Variants in UNC13C observed in about 807,000 individuals in gnomAD.
UNC13C encodes unc-13 homolog C, also known as protein unc-13 homolog C.
A neutral mutation model predicts 245.4 loss-of-function variants in UNC13C; 174 were observed. That is an observed-to-expected ratio of 0.71 (90% CI 0.63 to 0.80). The LOEUF is 0.80. UNC13C is among the 30% of genes least tolerant of loss of function. UNC13C has a pLI of 0.00. For synonymous variants in UNC13C, 992 were observed against 895.1 expected, an observed-to-expected ratio of 1.11 and a Z score of -1.93; for missense variants, 2,829 against 2,602.9, an observed-to-expected ratio of 1.09 and a Z score of -1.89.
intron 4 of UNC13C, 59 bp downstream of exon 4, chr15:54,143,743 C>G: frequency 3.0e-6 from 4 of 1,338,182 alleles, no homozygotes; most frequent in Non-Finnish European, 4.3e-6. Context: ...TGGCTGTGTT[C>G]TCAACATATA....
chr15:54,463,282 G>GGGGGGGGGCGGGGC (rs1891977401), intron 19 of UNC13C, among the ~76,000 whole-genome samples: 1 of 61,512 alleles, frequency 1.6e-5, no homozygotes, highest in Non-Finnish European at 3.4e-5. Context: ...GGGGGGGGGG[G>GGGGGGGGGCGGGGC]CCGGTCAGGT....
chr15:54,289,771 C>T (rs2037247693), intron 10 of UNC13C, among the ~76,000 whole-genome samples: 1 of 151,912 alleles, frequency 6.6e-6, no homozygotes, highest in Admixed American at 6.6e-5. Context: ...CTGTGAAACC[C>T]TGTATCACAG....
At chr15:53,855,967 A>G in the UNC13C span, among the ~76,000 whole-genome samples, 17 of 151,990 alleles carry the variant, frequency 1.1e-4, no homozygotes, top group Non-Finnish European at 2.5e-4. Flanking sequence ...TCAATTTCAG[A>G]ACTTGTTATT....
chr15:54,037,834 C>A (rs1245389502), intron 2 of UNC13C, among the ~76,000 whole-genome samples: 1 of 151,250 alleles, frequency 6.6e-6, no homozygotes, highest in Admixed American at 6.6e-5. Flanking sequence ...TCTTTGTGTA[C>A]TATTAATGTA....
At chr15:54,417,073 A>G (rs1419399865) in intron 19 of UNC13C, 1 of 414,886 alleles carries the variant, frequency 2.4e-6, no homozygotes, top group Non-Finnish European at 4.8e-6. Context: ...CTGCGTAACA[A>G]CTGATTTTAT....
intron 17 of UNC13C, among the ~76,000 whole-genome samples, chr15:54,372,735 G>T (rs1294889243): frequency 6.6e-6 from 1 of 152,146 alleles, no homozygotes; most frequent in Non-Finnish European, 1.5e-5. Context: ...AATAGATTCT[G>T]AGGTGAAGAA....
chr15:54,286,924 A>G (rs2037165675), intron 10 of UNC13C, among the ~76,000 whole-genome samples: 2 of 152,206 alleles, frequency 1.3e-5, no homozygotes, highest in African/African-American at 4.8e-5. Context: ...TAACAATGAA[A>G]ACATTTAAAA....
chr15:54,453,626 C>G (rs1891304908), intron 19 of UNC13C, among the ~76,000 whole-genome samples: 1 of 152,230 alleles, frequency 6.6e-6, no homozygotes, highest in South Asian at 2.1e-4. Context: ...TGCAAATTAT[C>G]AGGAATGAAT....
chr15:54,068,818 C>T (rs1044323328), intron 2 of UNC13C, among the ~76,000 whole-genome samples: 11 of 152,136 alleles, frequency 7.2e-5, no homozygotes, highest in Non-Finnish European at 1.5e-4. Context: ...TTCCTCTTAA[C>T]ACTTTTGATC....
chr15:54,061,921 C>T (rs201021686), intron 2 of UNC13C, among the ~76,000 whole-genome samples: 4 of 152,086 alleles, frequency 2.6e-5, no homozygotes, highest in East Asian at 1.9e-4. Flanking sequence ...AAAAAATGCC[C>T]CTCAGAATTT....
chr15:54,549,562 G>A, intron 27 of UNC13C, 73 bp from the exon 28 acceptor site: 2 of 1,110,582 alleles, frequency 1.8e-6, no homozygotes, highest in Non-Finnish European at 2.6e-6. Context: ...ATTATCTGTT[G>A]ACTGCATTTC....
chr15:54,605,536 T>A (rs1899723948), intron 30 of UNC13C, among the ~76,000 whole-genome samples: 1 of 152,136 alleles, frequency 6.6e-6, no homozygotes, highest in South Asian at 2.1e-4. Flanking sequence ...TTAAAAAAAA[T>A]GTAGCTGCTG....
intron 17 of UNC13C, among the ~76,000 whole-genome samples, chr15:54,361,764 G>C (rs1001910324): frequency 2.6e-5 from 4 of 152,204 alleles, no homozygotes; most frequent in Non-Finnish European, 5.9e-5. Flanking sequence ...TTCCTGGTTT[G>C]AGTAAGACTT....
At chr15:54,455,201 CTCTCTATATATATA>C (rs1223993082) in intron 19 of UNC13C, among the ~76,000 whole-genome samples, 33 of 33,278 alleles carry the variant, frequency 9.9e-4, no homozygotes, top group African/African-American at 3.1e-3. Context: ...CTCTCTCTCT[CTCTCTATATATATA>C]TATATATATA....
chr15:54,445,443 C>A (rs980230942), intron 19 of UNC13C, among the ~76,000 whole-genome samples: 1 of 152,178 alleles, frequency 6.6e-6, no homozygotes, highest in African/African-American at 2.4e-5. Flanking sequence ...TCCTATTTCT[C>A]CACATCCTCT....
chr15:54,157,326 A>G (rs1186434977), intron 4 of UNC13C, among the ~76,000 whole-genome samples: 3 of 152,332 alleles, frequency 2.0e-5, no homozygotes, highest in Non-Finnish European at 4.4e-5. Flanking sequence ...TGGGCAAGTC[A>G]TTTAACCTGT....
intron 1 of UNC13C, among the ~76,000 whole-genome samples, chr15:54,005,723 A>G (rs1267762200): frequency 1.3e-5 from 2 of 152,234 alleles, no homozygotes; most frequent in African/African-American, 2.4e-5. Context: ...TCGATTTCTC[A>G]TTTGAATGAT....
chr15:54,530,056 G>A (rs77140214), intron 25 of UNC13C, among the ~76,000 whole-genome samples: 5,661 of 152,218 alleles, frequency 0.037, 347 homozygotes, highest in African/African-American at 0.13. Context: ...ATTGCTCTTC[G>A]TGACATTTAA....
intron 25 of UNC13C, among the ~76,000 whole-genome samples, chr15:54,526,314 A>G (rs1171958983): frequency 6.6e-6 from 1 of 152,232 alleles, no homozygotes; most frequent in African/African-American, 2.4e-5. Flanking sequence ...AAATGTTAAA[A>G]TAGCTAGGAA....
Sources: gnomAD v4.1 joint callset for allele counts (sites outside exome capture counted in the v4.1 genomes callset) on GRCh38, gnomAD v4.1.1 for gene constraint, MANE v1.5 for transcripts, NCBI Gene and HGNC (gene_info 2026-07-23, HGNC 2026-07-21) for gene names.